The following RGS6 variants were observed in gnomAD, a reference collection of about 807,000 sequenced individuals.
RGS6 encodes the protein regulator of G-protein signaling 6.
RGS6 carries 30 observed loss-of-function variants against 78.5 expected under a neutral mutation model. That is an observed-to-expected ratio of 0.38 (90% CI 0.29 to 0.52). The LOEUF (loss-of-function observed/expected upper bound fraction) is 0.52. Ranked by LOEUF, RGS6 falls within the 20% of genes least tolerant of loss-of-function variation. RGS6 has a pLI of 0.85. For synonymous variants in RGS6, 206 were observed against 206.0 expected, an observed-to-expected ratio of 1.00 and a Z score of 0.00; for missense variants, 495 against 609.7, an observed-to-expected ratio of 0.81 and a Z score of 1.98.
chr14:72,204,269 A>G (rs1225807905), intron 2 of RGS6, among the ~76,000 whole-genome samples: 2 of 152,026 alleles, frequency 1.3e-5, no homozygotes, highest in Non-Finnish European at 2.9e-5. Flanking sequence ...CTAATCTCAG[A>G]AGCAACATAC....
At chr14:72,003,732 G>C (rs4902970) in intron 2 of RGS6, among the ~76,000 whole-genome samples, 142,681 of 152,156 alleles carry the variant, frequency 0.94, 66,993 homozygotes, top group East Asian at 0.99. Context: ...GGGATGGAGG[G>C]AGGACTGGGT....
chr14:72,475,941 T>G (rs1479702449), intron 10 of RGS6, among the ~76,000 whole-genome samples: 1 of 152,176 alleles, frequency 6.6e-6, no homozygotes, highest in African/African-American at 2.4e-5. Flanking sequence ...TATTATATTT[T>G]AAAATGTTAG....
At chr14:72,496,119 T>G (rs1160935487) in intron 13 of RGS6, among the ~76,000 whole-genome samples, 2 of 152,262 alleles carry the variant, frequency 1.3e-5, no homozygotes, top group Non-Finnish European at 2.9e-5. Flanking sequence ...ATGCTCATTC[T>G]AAAAAGTTCA....
At chr14:72,219,459 T>C (rs1053012063) in intron 2 of RGS6, among the ~76,000 whole-genome samples, 1 of 152,214 alleles carries the variant, frequency 6.6e-6, no homozygotes, top group African/African-American at 2.4e-5. Context: ...TATTTCCTCG[T>C]TGCCAACTAA....
Position 72,476,978 on chromosome 14 carries a change from C to G in RGS6, c.792+138C>G, listed in dbSNP as rs1341870077. ...GGAACCCAGCTGTGGGTGATTGAAC[C>G]TTTTAAGTGCTGTGTGTGAACAAGC... On this transcript the variant is annotated intron_variant, in intron 11 of 17. Transcript: ENST00000553525. 4.4e-6 allele frequency: 3 copies of G among 686,310 alleles called. No individual in the cohort carries two copies. The African/African-American group carries it at 5.4e-5, about 12-fold the overall frequency. The allele number at this position is 686,310 out of a possible 1,614,324, so 42.5% of individuals were successfully genotyped here.
At chr14:72,471,391 G>A (rs1344802979) in intron 8 of RGS6, among the ~76,000 whole-genome samples, 1 of 152,214 alleles carries the variant, frequency 6.6e-6, no homozygotes, top group Non-Finnish European at 1.5e-5. Flanking sequence ...ATGATGTCTA[G>A]GTTAGCCAGG....
upstream of RGS6, among the ~76,000 whole-genome samples, chr14:71,931,045 C>T (rs943567522): frequency 7.3e-6 from 1 of 137,194 alleles, no homozygotes; most frequent in Admixed American, 7.8e-5. Flanking sequence ...GGAAGTTTCC[C>T]TAGTTGCTAC....
At chr14:71,933,775 A>G (rs1168858864) in intron 1 of RGS6, among the ~76,000 whole-genome samples, 1 of 152,196 alleles carries the variant, frequency 6.6e-6, no homozygotes, top group African/African-American at 2.4e-5. Context: ...GTTCTGATCA[A>G]TACCTTTAAC....
chr14:72,453,652 C>T (rs1322504189), intron 3 of RGS6, among the ~76,000 whole-genome samples: 2 of 143,966 alleles, frequency 1.4e-5, no homozygotes, highest in Non-Finnish European at 3.0e-5. Context: ...TTCCTTCAGA[C>T]TCTTAAGATT....
At chr14:72,388,471 A>T (rs1279077597) in intron 3 of RGS6, among the ~76,000 whole-genome samples, 1 of 152,112 alleles carries the variant, frequency 6.6e-6, no homozygotes, top group Non-Finnish European at 1.5e-5. Context: ...TTAACATTTT[A>T]TTCTTCTGTG....
At chr14:72,548,822 T>C (rs901978885) in intron 17 of RGS6, among the ~76,000 whole-genome samples, 1 of 151,862 alleles carries the variant, frequency 6.6e-6, no homozygotes, top group Non-Finnish European at 1.5e-5. Context: ...AGAAGATAGA[T>C]AGGTAGATAC....
At position 72,562,821 on chromosome 14, in the gene RGS6, T is replaced by C. The variant is rs1490503285; in HGVS notation, c.*354T>C. 2 of 1,378,988 alleles carry C rather than the reference T, an allele frequency of 1.5e-6. No individual in the cohort carries two copies. Among genetic ancestry groups the C allele is most frequent in the Non-Finnish European group, 2.0e-6 (2 of 1,003,808 alleles). 85.4% of individuals were successfully genotyped at this position (1,378,988 alleles called of 1,614,324 possible). A position where few individuals can be genotyped will look rare whatever the true frequency, so the allele number is the denominator to read the frequency against. Reference sequence around the variant, plus strand: ...ACTATCACTTGAGATTATATTATTATCCTCACTCCCTCGCTGTCTGGAGAC... The same window carrying C: ...ACTATCACTTGAGATTATATTATTACCCTCACTCCCTCGCTGTCTGGAGAC... On this transcript the variant is annotated 3_prime_UTR_variant, in exon 18 of 18. Coordinates refer to ENST00000553525, the MANE Select transcript of RGS6 (RefSeq NM_001204424.2).
chr14:72,597,287 A>T, the RGS6 span, among the ~76,000 whole-genome samples: 6 of 152,214 alleles, frequency 3.9e-5, no homozygotes, highest in Admixed American at 6.5e-5. Context: ...TGTGATAATA[A>T]TAGCATCGAA....
intron 12 of RGS6, among the ~76,000 whole-genome samples, chr14:72,486,930 C>A (rs139358029): frequency 1.3e-5 from 2 of 152,228 alleles, no homozygotes; most frequent in African/African-American, 4.8e-5. Context: ...CTCTGCCCAG[C>A]GTGGGGTGTT....
chr14:71,921,256 G>A, the RGS6 span, among the ~76,000 whole-genome samples: 1 of 152,176 alleles, frequency 6.6e-6, no homozygotes, highest in Admixed American at 6.5e-5. Flanking sequence ...TGGTAGTAAT[G>A]TAAATTAGTA....
intron 2 of RGS6, among the ~76,000 whole-genome samples, chr14:72,044,507 T>G (rs2092682844): frequency 6.6e-6 from 1 of 152,140 alleles, no homozygotes; most frequent in South Asian, 2.1e-4. Flanking sequence ...TCCCTCTCCC[T>G]CTCCTTTTCC....
chr14:71,983,416 A>T (rs2094550095), intron 2 of RGS6, among the ~76,000 whole-genome samples: 1 of 152,244 alleles, frequency 6.6e-6, no homozygotes, highest in Non-Finnish European at 1.5e-5. Flanking sequence ...TTAGTTTGCT[A>T]AGGTGCTGTA....
In RGS6 at chr14:71,974,388, A is replaced by G. The variant is rs573099247; in HGVS notation, c.84+9513A>G. Reference sequence around the variant, plus strand: ...TATTTCAATAAGGGAAAGAATATGCAAAGACATATATATAGATATAGACAT... The same window carrying G: ...TATTTCAATAAGGGAAAGAATATGCGAAGACATATATATAGATATAGACAT... On this transcript the variant is annotated intron_variant, in intron 2 of 17. Coordinates refer to ENST00000553525, the MANE Select transcript of RGS6 (RefSeq NM_001204424.2). Among the ~76,000 whole-genome samples, 62 of 152,346 alleles carry G rather than the reference A, an allele frequency of 4.1e-4. 1 individual carries two copies. Among genetic ancestry groups the G allele is most frequent in the African/African-American group, 1.4e-3 (60 of 41,568 alleles).
At chr14:72,542,948 C>T (rs1018819928) in intron 17 of RGS6, among the ~76,000 whole-genome samples, 1 of 151,480 alleles carries the variant, frequency 6.6e-6, no homozygotes, top group Non-Finnish European at 1.5e-5. Context: ...GTTTGGGTGA[C>T]GAAGGGGCCT....
Sources: allele counts gnomAD v4.1 joint callset (sites outside exome capture counted in the v4.1 genomes callset), GRCh38; gene constraint gnomAD v4.1.1; transcripts MANE v1.5; gene names NCBI Gene and HGNC (gene_info 2026-07-23, HGNC 2026-07-21).